The following PLXNA2 variants were observed in gnomAD, a reference collection of about 807,000 sequenced individuals.
PLXNA2 encodes plexin-A2.
A neutral mutation model predicts 193.5 loss-of-function variants in PLXNA2; 91 were observed. That is an observed-to-expected ratio of 0.47 (90% CI 0.40 to 0.56). The LOEUF is 0.56. Among genes scored for constraint, PLXNA2 ranks in the 20% least tolerant of loss-of-function variants. The pLI is 0.00. For synonymous variants in PLXNA2, 997 were observed against 1,027.3 expected (o/e 0.97, Z 0.56); for missense variants, 1,995 against 2,503.2 (o/e 0.80, Z 4.33).
chr1:208,152,923 A>G (rs959569496), intron 3 of PLXNA2, among the ~76,000 whole-genome samples: 11 of 152,090 alleles, frequency 7.2e-5, no homozygotes, highest in Non-Finnish European at 1.5e-5. Context: ...TACTCCACGA[A>G]GCCTGCACCA....
intron 1 of PLXNA2, among the ~76,000 whole-genome samples, chr1:208,240,767 G>T (rs1672024491): frequency 8.3e-6 from 1 of 120,394 alleles, no homozygotes; most frequent in African/African-American, 3.1e-5. Context: ...GAATGGGGGT[G>T]GGGGGTGGGG....
At chr1:208,151,820 G>A (rs1312666787) in intron 3 of PLXNA2, among the ~76,000 whole-genome samples, 1 of 152,214 alleles carries the variant, frequency 6.6e-6, no homozygotes, top group Non-Finnish European at 1.5e-5. Flanking sequence ...TGATTCCAAA[G>A]CCTGAACTCT....
intron 12 of PLXNA2, among the ~76,000 whole-genome samples, chr1:208,077,195 G>A (rs1666187833): frequency 6.6e-6 from 1 of 152,090 alleles, no homozygotes; most frequent in Admixed American, 6.5e-5. Context: ...GCATGGATTT[G>A]TCTCTCTCCA....
intron 4 of PLXNA2, among the ~76,000 whole-genome samples, chr1:208,121,998 C>T (rs1225610461): frequency 6.6e-6 from 1 of 152,152 alleles, no homozygotes; most frequent in Non-Finnish European, 1.5e-5. Flanking sequence ...CCCCTCATAC[C>T]CCCACCTGCA....
intron 4 of PLXNA2, among the ~76,000 whole-genome samples, chr1:208,139,388 C>T (rs572260154): frequency 6.6e-6 from 1 of 152,304 alleles, no homozygotes; most frequent in Admixed American, 6.5e-5. Flanking sequence ...TCATCACACA[C>T]CATCTCTATA....
At chr1:208,179,205 T>A (rs1669761091) in intron 3 of PLXNA2, among the ~76,000 whole-genome samples, 1 of 152,102 alleles carries the variant, frequency 6.6e-6, no homozygotes, top group Admixed American at 6.5e-5. Flanking sequence ...AGCCTAAGCA[T>A]CCTCGCCATT....
intron 3 of PLXNA2, among the ~76,000 whole-genome samples, chr1:208,148,052 C>A (rs922217024): frequency 2.0e-5 from 3 of 152,304 alleles, no homozygotes; most frequent in African/African-American, 7.2e-5. Context: ...CCCATTAGTA[C>A]CTTTCCTTTA....
intron 12 of PLXNA2, among the ~76,000 whole-genome samples, chr1:208,068,825 TC>T (rs1204829330): frequency 6.6e-6 from 1 of 152,236 alleles, no homozygotes; most frequent in Non-Finnish European, 1.5e-5. Context: ...AGCTGTTCCC[TC>T]CTCCCTTTCT....
chr1:208,106,740 T>G, intron 4 of PLXNA2, among the ~76,000 whole-genome samples: 1 of 152,268 alleles, frequency 6.6e-6, no homozygotes, highest in East Asian at 1.9e-4. Context: ...TTCTTCTTCC[T>G]TTTTGAAATG....
intron 12 of PLXNA2, among the ~76,000 whole-genome samples, chr1:208,067,109 C>T (rs1665823810): frequency 6.6e-6 from 1 of 152,088 alleles, no homozygotes. Flanking sequence ...CTTTGGGAGG[C>T]CGAGGCAGGC....
chr1:208,052,291 G>T (rs747008671), intron 15 of PLXNA2, 36 bp downstream of exon 15: 1 of 1,605,714 alleles, frequency 6.2e-7, no homozygotes, highest in Non-Finnish European at 8.5e-7. Flanking sequence ...TGTCCCAGAT[G>T]TGCAGTCTTC....
Position 208,039,003 on chromosome 1 carries a change from G to C in PLXNA2, c.4501-19C>G. The C allele has an allele frequency of 6.2e-7, 1 of 1,611,202 alleles. No homozygotes were observed. The highest frequency in any genetic ancestry group is 1.1e-5 in the South Asian group (1 of 90,742). ...TCAGGATCTACAAGTAGGGGACAGA[G>C]GGTGAGCAGGACAGGAGTTGAAGGA... is the stretch of plus-strand genomic sequence containing the variant. On this transcript the variant is annotated intron_variant, in intron 24 of 31. Coordinates refer to ENST00000367033, the MANE Select transcript of PLXNA2 (RefSeq NM_025179.4).
Position 208,044,695 on chromosome 1 carries a change from G to C in PLXNA2, c.3687C>G (p.Ile1229Met). 6.2e-7 allele frequency: 1 copy of C among 1,614,120 alleles called. No homozygotes were observed. Among genetic ancestry groups the C allele is most frequent in the Non-Finnish European group, 8.5e-7 (1 of 1,180,036 alleles). The change falls in exon 20 of 32, where the codon ATC becomes ATG. Residue 1229 changes from isoleucine to methionine, a missense_variant. By Grantham distance (10) the Ile-to-Met change is conservative. This residue lies in a region of PLXNA2 where 1,291 missense variants were observed against 1,673.6 expected (regional missense o/e 0.77). Transcript: ENST00000367033. The surrounding 1 kb of genome is among the most constrained non-coding windows in gnomAD (Gnocchi z 4.9). ...MVFSPGSVSV[I>M]SDSLLTLPAI... ...CTGGCAGGGTCAGCAAGCTGTCTGA[G>C]ATGACACTCACCGAGCCAGGCGAGA...
chr1:208,034,419 G>C lies in PLXNA2; in HGVS notation c.4864+74C>G. 5 of 919,126 alleles carry C rather than the reference G, an allele frequency of 5.4e-6. No individual in the cohort carries two copies. In the Middle Eastern group the frequency reaches 1.1e-3, roughly 199 times the overall value. 56.9% of individuals were successfully genotyped at this position (919,126 alleles called of 1,614,324 possible). Reference sequence around the variant, plus strand: ...AGCAAGGGCTGCCTGCTGTTAGAAGGGGTAGCGAGTGGGCCCTGCTAGGTC... The same window carrying C: ...AGCAAGGGCTGCCTGCTGTTAGAAGCGGTAGCGAGTGGGCCCTGCTAGGTC... On this transcript the variant is annotated intron_variant, in intron 27 of 31. Transcript: ENST00000367033.
chr1:208,093,002 T>C (rs1666765599), intron 8 of PLXNA2, 102 bp from the exon 9 acceptor site: 1 of 736,386 alleles, frequency 1.4e-6, no homozygotes, highest in South Asian at 1.9e-5. Flanking sequence ...AATCCTAGTC[T>C]CATTCTCAGG....
intron 29 of PLXNA2, chr1:208,031,369 A>C (rs956691229): frequency 1.4e-6 from 2 of 1,399,308 alleles, no homozygotes; most frequent in African/African-American, 1.5e-5. Flanking sequence ...GGTGCATCCT[A>C]TTGCTGTGCC....
chr1:208,029,430 G>A (rs1007014003), intron 29 of PLXNA2: 6 of 1,028,396 alleles, frequency 5.8e-6, no homozygotes, highest in Non-Finnish European at 7.0e-6. Context: ...CACAGTGCCC[G>A]TGGCCATTGT....
chr1:208,152,271 C>T (rs947415046), intron 3 of PLXNA2, among the ~76,000 whole-genome samples: 2 of 152,182 alleles, frequency 1.3e-5, no homozygotes, highest in Non-Finnish European at 2.9e-5. Context: ...TCATTAAAAA[C>T]ACACACACAC....
Position 208,217,550 on chromosome 1 carries a change from G to A in PLXNA2, c.373C>T (p.Arg125Cys), listed in dbSNP as rs772869634. 5.6e-6 allele frequency: 9 copies of A among 1,614,192 alleles called. No individual in the cohort carries two copies. Among genetic ancestry groups the A allele is most frequent in the Admixed American group, 5.0e-5 (3 of 60,034 alleles). The change falls in exon 2 of 32, where the codon CGC becomes TGC. Residue 125 changes from arginine (R) to cysteine (C), a missense_variant. Coordinates refer to ENST00000367033, the MANE Select transcript of PLXNA2 (RefSeq NM_025179.4). This position sits in a 1 kb window ranked among gnomAD's most constrained non-coding sequence, Gnocchi z 4.7. ...KLLIIDYSENRLLACGSLYQG... is the reference protein window; with the variant it reads ...KLLIIDYSENCLLACGSLYQG... ...TAGAGGCTCCCACAGGCCAGCAGGC[G>A]GTTCTCAGAGTAGTCAATGATGAGC...
Sources: allele counts gnomAD v4.1 joint callset (sites outside exome capture counted in the v4.1 genomes callset), GRCh38; gene constraint gnomAD v4.1.1; regional missense constraint gnomAD v4.1.1; non-coding constraint Gnocchi (gnomAD v3.1); transcripts MANE v1.5; gene names NCBI Gene and HGNC (gene_info 2026-07-23, HGNC 2026-07-21).